Variants in HECTD4 observed in about 807,000 individuals in gnomAD.
HECTD4 encodes the protein HECT domain E3 ubiquitin protein ligase 4.
A neutral mutation model predicts 471.5 loss-of-function variants in HECTD4; 114 were observed. That is an observed-to-expected ratio of 0.24 (90% CI 0.21 to 0.28). The LOEUF (loss-of-function observed/expected upper bound fraction) is 0.28. HECTD4 is among the 10% of genes least tolerant of loss of function. The probability of loss-of-function intolerance (pLI) is 1.00; values close to 1 mark genes in which losing one functional copy is unlikely to be tolerated. For synonymous variants in HECTD4, 2,012 were observed against 2,256.0 expected (o/e 0.89, Z 3.07); for missense variants, 3,866 against 5,651.5 (o/e 0.68, Z 10.13).
At chr12:112,368,544 T>A (rs573118042) in intron 1 of HECTD4, among the ~76,000 whole-genome samples, 3 of 152,362 alleles carry the variant, frequency 2.0e-5, no homozygotes, top group Admixed American at 2.0e-4. Flanking sequence ...ACAATTATAG[T>A]ATATCCACAA....
chr12:112,195,436 T>A (rs1297873656), intron 55 of HECTD4, among the ~76,000 whole-genome samples: 1 of 152,108 alleles, frequency 6.6e-6, no homozygotes, highest in Non-Finnish European at 1.5e-5. Flanking sequence ...ATCAAACAGA[T>A]CAAAGACTGA....
At chr12:112,335,829 A>AAAAT (rs1349114706) in intron 1 of HECTD4, among the ~76,000 whole-genome samples, 1 of 152,186 alleles carries the variant, frequency 6.6e-6, no homozygotes, top group Non-Finnish European at 1.5e-5. Flanking sequence ...ATAAAAAATA[A>AAAAT]AAATAAATAA....
rs912890544 is a variant in HECTD4, at chr12:112,263,553, A to G, written c.2748+531T>C. On this transcript the variant is annotated intron_variant, in intron 17 of 75. Coordinates refer to ENST00000682272, the MANE Select transcript of HECTD4 (RefSeq NM_001388303.1). ...TGAGTTTACACAGAAGCTAATTTAA[A>G]AATAATCACAGAAAATGAAATTGAC... 7.9e-5 allele frequency among the ~76,000 whole-genome samples: 12 copies of G among 152,326 alleles called. No individual in the cohort carries two copies. The South Asian group carries it at 1.2e-3, about 16-fold the overall frequency.
At chr12:112,265,822 G>A (rs200359657) in intron 15 of HECTD4, 56 bp downstream of exon 15, 149 of 1,312,020 alleles carry the variant, frequency 1.1e-4, no homozygotes, top group Middle Eastern at 7.3e-4. Context: ...ACATTTAAAT[G>A]TAAACTAACG....
At chr12:112,350,625 T>C (rs1458654923) in intron 1 of HECTD4, among the ~76,000 whole-genome samples, 1 of 152,244 alleles carries the variant, frequency 6.6e-6, no homozygotes, top group Non-Finnish European at 1.5e-5. Context: ...TTGGATGAAT[T>C]CATTTTTCTA....
Position 112,213,784 on chromosome 12 carries a change from G to T in HECTD4, c.7466-1134C>A, listed in dbSNP as rs2032834896. 6.6e-6 allele frequency among the ~76,000 whole-genome samples: 1 copy of T among 150,784 alleles called. No homozygotes were observed. Among genetic ancestry groups the T allele is most frequent in the Non-Finnish European group, 1.5e-5 (1 of 67,782 alleles). On this transcript the variant is annotated intron_variant, in intron 48 of 75. Coordinates refer to ENST00000682272, the MANE Select transcript of HECTD4 (RefSeq NM_001388303.1). This position sits in a 1 kb window ranked among gnomAD's most constrained non-coding sequence, Gnocchi z 4.0. The stretch of plus-strand genomic sequence containing the variant: ...TGCCTGTAATCCCAGCATTTTGGGA[G>T]GCCAAGGTGGGAAGATTGCTTGAGC...
intron 60 of HECTD4, 77 bp downstream of exon 60, chr12:112,190,709 T>G: frequency 5.7e-6 from 8 of 1,402,924 alleles, no homozygotes; most frequent in Non-Finnish European, 6.7e-6. Context: ...CTACACCACC[T>G]GGCAAGCTCC....
chr12:112,218,631 T>C (rs1480934890), intron 45 of HECTD4, among the ~76,000 whole-genome samples: 1 of 152,236 alleles, frequency 6.6e-6, no homozygotes, highest in Admixed American at 6.5e-5. Context: ...GGCTATTGCA[T>C]ATTTTATTTA....
At position 112,162,709 on chromosome 12, in the gene HECTD4, G is replaced by T; in HGVS notation, c.13121-186C>A. On this transcript the variant is annotated intron_variant, in intron 75 of 75. Transcript: ENST00000682272. This position sits in a 1 kb window ranked among gnomAD's most constrained non-coding sequence, Gnocchi z 5.2. Reference sequence around the variant, plus strand: ...GTTCTTGGAGGGAAAAGGGGAGAGAGCTGCTGGACAGCGCATGTGCCAAAC... The same window carrying T: ...GTTCTTGGAGGGAAAAGGGGAGAGATCTGCTGGACAGCGCATGTGCCAAAC... The T allele has an allele frequency of 1.5e-6, 1 of 656,026 alleles. No homozygotes were observed. The highest frequency in any genetic ancestry group is 2.6e-6 in the Non-Finnish European group (1 of 386,242). 40.6% of individuals were successfully genotyped at this position (656,026 alleles called of 1,614,324 possible). A position where few individuals can be genotyped will look rare whatever the true frequency, so the allele number is the denominator to read the frequency against.
rs1293224893 is a variant in HECTD4 at position 112,283,266 on chromosome 12, C to T, written c.1372G>A (p.Glu458Lys). Reference protein sequence around the residue: ...NGVFVANPLQERTILMRKEGE... With the variant: ...NGVFVANPLQKRTILMRKEGE... Reference sequence around the variant, plus strand: ...TCTTTTCTCATTAGAATTGTACGTTCCTGAAGTGGGTTGGCTACAAATACA... The same window carrying T: ...TCTTTTCTCATTAGAATTGTACGTTTCTGAAGTGGGTTGGCTACAAATACA... Residue 458 changes from glutamate to lysine, a missense_variant, in exon 8 of 76, where the codon GAA (glutamate) becomes AAA (lysine). Glu to Lys is a moderately conservative substitution (Grantham distance 56). Around this residue, in one of 16 missense-constraint regions of HECTD4, gnomAD observed 440 missense variants for 636.0 expected, o/e 0.69. Transcript: ENST00000682272. 1.9e-6 allele frequency: 3 copies of T among 1,612,502 alleles called. No homozygotes were observed. The South Asian group carries it at 3.3e-5, about 18-fold the overall frequency.
chr12:112,216,662 T>C, intron 47 of HECTD4, 111 bp downstream of exon 47: 1 of 1,272,942 alleles, frequency 7.9e-7, no homozygotes, highest in South Asian at 1.5e-5. Flanking sequence ...AATGCTCTCC[T>C]TTCCCCAAAC....
At chr12:112,253,180 A>G (rs1012582533) in intron 22 of HECTD4, among the ~76,000 whole-genome samples, 2 of 151,642 alleles carry the variant, frequency 1.3e-5, no homozygotes, top group African/African-American at 4.9e-5. Flanking sequence ...ACTGCAGTGC[A>G]ATGGCGCAAT....
At chr12:112,269,603 G>A (rs1261844192) in intron 13 of HECTD4, 101 bp downstream of exon 13, 4 of 1,236,782 alleles carry the variant, frequency 3.2e-6, no homozygotes, top group Non-Finnish European at 4.5e-6. Context: ...ATTGTGGGAT[G>A]GGGTAAGAGG....
intron 4 of HECTD4, among the ~76,000 whole-genome samples, chr12:112,311,999 T>C (rs897186271): frequency 2.0e-5 from 3 of 152,108 alleles, no homozygotes; most frequent in East Asian, 1.9e-4. Flanking sequence ...TGGTAGACCA[T>C]GGAAAGGTAC....
intron 6 of HECTD4, among the ~76,000 whole-genome samples, chr12:112,308,121 C>T (rs1276640731): frequency 6.6e-6 from 1 of 152,186 alleles, no homozygotes; most frequent in South Asian, 2.1e-4. Context: ...TAGTTACCAT[C>T]ATTGTTATTA....
intron 49 of HECTD4, 113 bp from the exon 50 acceptor site, chr12:112,210,365 G>T: frequency 9.0e-7 from 1 of 1,109,472 alleles, no homozygotes; most frequent in Non-Finnish European, 1.3e-6. Context: ...CCCGAGGTGT[G>T]TGCTGGCATG....
rs2036881867 is a variant in HECTD4, at chr12:112,381,274, C to T, written c.177+678G>A. Among the ~76,000 whole-genome samples, 1 of 152,176 alleles carries T rather than the reference C, an allele frequency of 6.6e-6. No homozygotes were observed. The highest frequency in any genetic ancestry group is 2.1e-4 in the South Asian group (1 of 4,834). On this transcript the variant is annotated intron_variant, in intron 1 of 75. Coordinates refer to ENST00000682272, the MANE Select transcript of HECTD4 (RefSeq NM_001388303.1). The surrounding 1 kb of genome is among the most constrained non-coding windows in gnomAD (Gnocchi z 4.1). ...GGGATGCTTGGCGACCCCCGGGGCA[C>T]ACAAAAAGGCCCTGCGGCCTAACGC...
chr12:112,180,587 G>A (rs1277385902), intron 62 of HECTD4, among the ~76,000 whole-genome samples: 3 of 151,752 alleles, frequency 2.0e-5, no homozygotes, highest in African/African-American at 7.3e-5. Flanking sequence ...CATGAGGAGT[G>A]TACCTAGCAC....
chr12:112,224,926 T>C (rs1041000910), intron 44 of HECTD4, among the ~76,000 whole-genome samples: 2 of 152,182 alleles, frequency 1.3e-5, no homozygotes, highest in Non-Finnish European at 2.9e-5. Flanking sequence ...AGTCAAAATA[T>C]GTCTTCGAAT....
Sources: gnomAD v4.1 joint callset for allele counts (sites outside exome capture counted in the v4.1 genomes callset) on GRCh38, gnomAD v4.1.1 for gene constraint, gnomAD v4.1.1 regional missense constraint, Gnocchi (gnomAD v3.1) non-coding constraint, MANE v1.5 for transcripts, NCBI Gene and HGNC (gene_info 2026-07-23, HGNC 2026-07-21) for gene names.